CPVL: variants seen among roughly 807,000 people sequenced by gnomAD.
CPVL encodes probable serine carboxypeptidase CPVL.
CPVL carries 51 observed loss-of-function variants against 63.7 expected under a neutral mutation model. That is an observed-to-expected ratio of 0.80 (90% CI 0.64 to 1.01). The LOEUF (loss-of-function observed/expected upper bound fraction) is 1.01. CPVL is among the 50% of genes least tolerant of loss of function. The pLI is 0.00. For synonymous variants in CPVL, 195 were observed against 206.0 expected (o/e 0.95, Z 0.46); for missense variants, 530 against 573.1 (o/e 0.92, Z 0.77).
intron 1 of CPVL, among the ~76,000 whole-genome samples, chr7:29,124,210 T>C (rs989269723): frequency 8.5e-5 from 13 of 152,166 alleles, no homozygotes; most frequent in African/African-American, 3.1e-4. Flanking sequence ...TGAACATTTA[T>C]TGAGCAATTT....
rs142410128 is a variant in CPVL, at chr7:29,094,881, C to A, written c.462+203G>T. ...AAAAAAATGAGGAAATGAGAGAAGG[C>A]AGCAAGGAAAATTGCCAAACTCCGA... On this transcript the variant is annotated intron_variant, in intron 5 of 12. Transcript: ENST00000265394. Among the ~76,000 whole-genome samples, 156 of 151,906 alleles carry A rather than the reference C, an allele frequency of 1.0e-3. 2 individuals are homozygous for A. In the East Asian group the frequency reaches 0.028, roughly 28 times the overall value.
chr7:29,024,204 A>C (rs978383335), intron 12 of CPVL, among the ~76,000 whole-genome samples: 1 of 152,204 alleles, frequency 6.6e-6, no homozygotes, highest in African/African-American at 2.4e-5. Context: ...AAACAAAAAA[A>C]TATAATCAAG....
At chr7:29,115,669 A>G (rs1257746328) in intron 2 of CPVL, among the ~76,000 whole-genome samples, 1 of 152,180 alleles carries the variant, frequency 6.6e-6, no homozygotes, top group Non-Finnish European at 1.5e-5. Flanking sequence ...TAGAGAAGTA[A>G]AAACTGTGGA....
chr7:28,995,360 C>T lies in CPVL; in HGVS notation c.*412G>A. 6.1e-6 allele frequency: 1 copy of T among 165,148 alleles called. No homozygotes were observed. Among genetic ancestry groups the T allele is most frequent in the Non-Finnish European group, 1.3e-5 (1 of 77,438 alleles). The allele number at this position is 165,148 out of a possible 1,614,324, so 10.2% of individuals were successfully genotyped here. On this transcript the variant is annotated 3_prime_UTR_variant, in exon 13 of 13. Coordinates refer to ENST00000265394, the MANE Select transcript of CPVL (RefSeq NM_031311.5). ...TTGGGATAATTGAGCTATTCTTATCCAATAATATTTCCAAACACCTTCACG... is the reference window on the plus strand; with the variant it reads ...TTGGGATAATTGAGCTATTCTTATCTAATAATATTTCCAAACACCTTCACG...
At chr7:29,128,588 C>T (rs58199985) in intron 1 of CPVL, among the ~76,000 whole-genome samples, 20,439 of 151,532 alleles carry the variant, frequency 0.13, 1,375 homozygotes, top group African/African-American at 0.15. Flanking sequence ...TGGTGGCACA[C>T]GCCTGTAATC....
At chr7:29,106,924 G>A (rs984536478) in intron 3 of CPVL, among the ~76,000 whole-genome samples, 1 of 152,202 alleles carries the variant, frequency 6.6e-6, no homozygotes, top group African/African-American at 2.4e-5. Flanking sequence ...GAGGGTGTCT[G>A]GCTGGGCAGT....
At chr7:29,076,575 T>G (rs886942268) in intron 7 of CPVL, among the ~76,000 whole-genome samples, 1 of 152,144 alleles carries the variant, frequency 6.6e-6, no homozygotes, top group African/African-American at 2.4e-5. Flanking sequence ...ACTCAACACA[T>G]CAGAATTTTT....
At chr7:29,183,578 T>C (rs1476364924) in intron 4 of CPVL, among the ~76,000 whole-genome samples, 1 of 151,960 alleles carries the variant, frequency 6.6e-6, no homozygotes, top group East Asian at 1.9e-4. Context: ...GGTTTCACCA[T>C]GTTGGCCAGG....
At chr7:29,071,328 T>C (rs2128575516) in intron 9 of CPVL, among the ~76,000 whole-genome samples, 1 of 152,348 alleles carries the variant, frequency 6.6e-6, no homozygotes, top group South Asian at 2.1e-4. Flanking sequence ...GTGTGTCACA[T>C]GTCATCTGTT....
At chr7:29,125,990 G>A (rs1264158105) in intron 1 of CPVL, among the ~76,000 whole-genome samples, 1 of 152,150 alleles carries the variant, frequency 6.6e-6, no homozygotes, top group Non-Finnish European at 1.5e-5. Context: ...GAGAGCTGAT[G>A]GTTAAATTTT....
chr7:29,029,922 C>T (rs1272771716), intron 12 of CPVL, among the ~76,000 whole-genome samples: 1 of 152,130 alleles, frequency 6.6e-6, no homozygotes, highest in Non-Finnish European at 1.5e-5. Context: ...TAAAGATGTA[C>T]ACTTACATAT....
At chr7:29,163,376 A>C (rs11973415) in intron 5 of CPVL, among the ~76,000 whole-genome samples, 20,376 of 152,132 alleles carry the variant, frequency 0.13, 1,587 homozygotes, top group African/African-American at 0.22. Context: ...ATTATTTTCA[A>C]CCTTAAAAAT....
rs531737057 is a variant in CPVL at position 29,172,933 on chromosome 7, C to A, written c.-11+8357G>T. The stretch of plus-strand genomic sequence containing the variant: ...ATCACCTGAGGTTAGGAGTTTGAGA[C>A]CAGCGTGGCCAGTATGGCAAAAACC... On this transcript the variant is annotated intron_variant, in intron 5 of 16. Transcript: ENST00000409850. Among the ~76,000 whole-genome samples the A allele has an allele frequency of 2.0e-5, 3 of 152,022 alleles. No homozygotes were observed. In the East Asian group the frequency reaches 5.8e-4, roughly 29 times the overall value.
intron 7 of CPVL, among the ~76,000 whole-genome samples, chr7:29,076,529 A>G (rs1210079741): frequency 1.3e-5 from 2 of 152,246 alleles, no homozygotes; most frequent in Non-Finnish European, 2.9e-5. Context: ...AGCCGGATAA[A>G]CATAACACAT....
chr7:29,098,659 G>C (rs973362588), intron 3 of CPVL, among the ~76,000 whole-genome samples: 2 of 152,182 alleles, frequency 1.3e-5, no homozygotes, highest in African/African-American at 4.8e-5. Context: ...AAGCATGGAA[G>C]CTCTTGCCCC....
chr7:29,024,664 T>C (rs1384377702), intron 12 of CPVL, among the ~76,000 whole-genome samples: 1 of 152,182 alleles, frequency 6.6e-6, no homozygotes, highest in Non-Finnish European at 1.5e-5. Context: ...CAGAAACTTA[T>C]AAGCCACGAG....
chr7:29,042,431 T>C (rs1295821342), intron 11 of CPVL, among the ~76,000 whole-genome samples: 2 of 151,670 alleles, frequency 1.3e-5, no homozygotes, highest in African/African-American at 4.8e-5. Flanking sequence ...AGCAATATCC[T>C]CTCTCTACAA....
chr7:29,015,315 GTGTCCCCACCCAAATTGCT>G (rs1258112734), intron 12 of CPVL, among the ~76,000 whole-genome samples: 63 of 152,246 alleles, frequency 4.1e-4, no homozygotes, highest in Middle Eastern at 3.4e-3. Flanking sequence ...GTTTGGATCT[GTGTCCCCACCCAAATTGCT>G]TGTCTAATGG....
Position 29,095,105 on chromosome 7 carries a change from G to A in CPVL, c.441C>T (p.Ser147=). The change falls in exon 5 of 13, where the codon TCC becomes TCT. Residue 147 remains serine, a synonymous_variant. Coordinates refer to ENST00000265394, the MANE Select transcript of CPVL (RefSeq NM_031311.5). The part of the protein sequence containing the change: ...DRDFPWTTTL[S]MLYIDNPVGT... Reference sequence around the variant, plus strand: ...TTACTGGATTGTCAATGTAAAGCATGGAGAGCGTTGTGGTCCAGGGGAAGT... The same window carrying A: ...TTACTGGATTGTCAATGTAAAGCATAGAGAGCGTTGTGGTCCAGGGGAAGT... 3.1e-6 allele frequency: 5 copies of A among 1,613,978 alleles called. No homozygotes were observed. The highest frequency in any genetic ancestry group is 4.2e-6 in the Non-Finnish European group (5 of 1,179,850).
Sources: gnomAD v4.1 joint callset for allele counts (sites outside exome capture counted in the v4.1 genomes callset) on GRCh38, gnomAD v4.1.1 for gene constraint, MANE v1.5 for transcripts, NCBI Gene and HGNC (gene_info 2026-07-23, HGNC 2026-07-21) for gene names.